LUZP2: variants seen among roughly 807,000 people sequenced by gnomAD.
LUZP2 encodes leucine zipper protein 2.
In LUZP2, 52 loss-of-function variants were observed where a neutral mutation model predicts 51.6. The ratio of observed to expected loss-of-function variants is 1.01; its 90% CI spans 0.81 to 1.27. LUZP2 has a LOEUF of 1.27. LUZP2 is among the 50% of genes most tolerant of loss of function. The probability of loss-of-function intolerance (pLI) is 0.00; values close to 1 mark genes in which losing one functional copy is unlikely to be tolerated. For missense variants in LUZP2, 436 were observed against 395.4 expected, an observed-to-expected ratio of 1.10 and a Z score of -0.87; for synonymous variants, 154 against 137.3, an observed-to-expected ratio of 1.12 and a Z score of -0.85.
intron 1 of LUZP2, among the ~76,000 whole-genome samples, chr11:24,726,696 A>T (rs1000354052): frequency 6.6e-6 from 1 of 152,128 alleles, no homozygotes; most frequent in Non-Finnish European, 1.5e-5. Flanking sequence ...AGTGGTAAAA[A>T]TATATTCAAG....
intron 1 of LUZP2, among the ~76,000 whole-genome samples, chr11:24,512,778 C>T (rs1254240986): frequency 6.8e-6 from 1 of 147,068 alleles, no homozygotes; most frequent in African/African-American, 2.5e-5. Context: ...GAGATGGAGT[C>T]TCACTCTGTT....
At chr11:24,562,234 G>A (rs11028018) in intron 1 of LUZP2, among the ~76,000 whole-genome samples, 6,558 of 152,076 alleles carry the variant, frequency 0.043, 434 homozygotes, top group African/African-American at 0.15. Context: ...AAGAGACATT[G>A]CCCTTATATA....
intron 5 of LUZP2, among the ~76,000 whole-genome samples, chr11:24,901,443 T>A: frequency 6.6e-6 from 1 of 150,854 alleles, no homozygotes; most frequent in African/African-American, 2.4e-5. Context: ...TAGAAAAGAA[T>A]ATACACCAAA....
chr11:24,830,097 A>G (rs762788095), intron 5 of LUZP2, among the ~76,000 whole-genome samples: 5 of 72,844 alleles, frequency 6.9e-5, no homozygotes, highest in Non-Finnish European at 1.2e-4. Flanking sequence ...TTGAAATACA[A>G]ATTTTGTCAG....
chr11:24,944,872 A>G (rs1271216921), intron 7 of LUZP2, among the ~76,000 whole-genome samples: 1 of 152,170 alleles, frequency 6.6e-6, no homozygotes, highest in Admixed American at 6.5e-5. Flanking sequence ...AAGGCTTTAA[A>G]CTGTGCTATT....
intron 1 of LUZP2, among the ~76,000 whole-genome samples, chr11:24,554,652 C>T (rs887368409): frequency 2.7e-5 from 4 of 148,716 alleles, no homozygotes; most frequent in Non-Finnish European, 5.9e-5. Context: ...CCCACTAAAA[C>T]GTATGTGTTT....
chr11:24,699,300 G>A (rs1360320770), intron 1 of LUZP2, among the ~76,000 whole-genome samples: 1 of 151,860 alleles, frequency 6.6e-6, no homozygotes, highest in African/African-American at 2.4e-5. Context: ...GCTTTGATAG[G>A]GGACCTTTTC....
In LUZP2 at chr11:24,566,570, C is replaced by CACATATATATGTATGTGTGTATATATATG. The variant is rs1564994985; in HGVS notation, c.62+69265_62+69266insACATATATATGTATGTGTGTATATATATG. Among the ~76,000 whole-genome samples the CACATATATATGTATGTGTGTATATATATG allele has an allele frequency of 1.2e-3, 166 of 142,194 alleles. 1 individual carries two copies. The highest frequency in any genetic ancestry group is 1.9e-3 in the Non-Finnish European group (123 of 66,424). 93.3% of individuals were successfully genotyped at this position (142,194 alleles called of 152,430 possible). On this transcript the variant is annotated intron_variant, in intron 1 of 11. Transcript: ENST00000336930. ...TATATATATGTATGTGTATATATAT[C>CACATATATATGTATGTGTGTATATATATG]TATACACATATATATGTATGTGTGT...
intron 7 of LUZP2, among the ~76,000 whole-genome samples, chr11:24,941,002 T>C (rs987534371): frequency 1.3e-5 from 2 of 152,206 alleles, no homozygotes; most frequent in African/African-American, 4.8e-5. Context: ...ATAAAGTATT[T>C]TTCCCTCTTT....
chr11:25,014,689 A>G (rs2133963609), intron 9 of LUZP2, among the ~76,000 whole-genome samples: 1 of 152,206 alleles, frequency 6.6e-6, no homozygotes, highest in South Asian at 2.1e-4. Flanking sequence ...ATTTTCTCCC[A>G]TTCTGTAGGT....
intron 1 of LUZP2, among the ~76,000 whole-genome samples, chr11:24,700,724 T>G (rs1342107678): frequency 6.6e-6 from 1 of 152,166 alleles, no homozygotes; most frequent in Non-Finnish European, 1.5e-5. Flanking sequence ...AATGGTTTTA[T>G]GAAAGAATGG....
intron 5 of LUZP2, among the ~76,000 whole-genome samples, chr11:24,774,362 C>CTCTCTCTCTCTATATATA (rs776739280): frequency 1.5e-3 from 111 of 76,298 alleles, no homozygotes; most frequent in South Asian, 5.2e-3. Flanking sequence ...CTCTCTCTCT[C>CTCTCTCTCTCTATATATA]TATATATATA....
At chr11:24,928,690 TA>T (rs1413347791) in intron 7 of LUZP2, among the ~76,000 whole-genome samples, 1 of 151,878 alleles carries the variant, frequency 6.6e-6, no homozygotes, top group Admixed American at 6.6e-5. Context: ...GTGTAGTTTT[TA>T]AAATGTTATG....
intron 1 of LUZP2, among the ~76,000 whole-genome samples, chr11:24,567,177 G>A (rs897392612): frequency 4.0e-5 from 6 of 150,790 alleles, no homozygotes; most frequent in East Asian, 3.9e-4. Context: ...CAATTTTGTC[G>A]TTGAAAGGTA....
chr11:24,959,088 G>GCATA (rs1855306079), intron 7 of LUZP2, among the ~76,000 whole-genome samples: 1 of 151,922 alleles, frequency 6.6e-6, no homozygotes, highest in Non-Finnish European at 1.5e-5. Flanking sequence ...TATTTCTGAG[G>GCATA]GCTCTGTTCT....
intron 5 of LUZP2, among the ~76,000 whole-genome samples, chr11:24,858,412 C>T (rs1851634242): frequency 6.6e-6 from 1 of 152,094 alleles, no homozygotes; most frequent in South Asian, 2.1e-4. Context: ...GTTTCCAAAG[C>T]AACCCAAGTA....
At position 24,740,002 on chromosome 11, in the gene LUZP2, G is replaced by A. The variant is rs535774306; in HGVS notation, c.333+1700G>A. The stretch of plus-strand genomic sequence containing the variant: ...CTTGTCGATCCCTCCTCCCAACACC[G>A]GACCTAGCTTACTGAATGGTCCTAA... On this transcript the variant is annotated intron_variant, in intron 4 of 11. Coordinates refer to ENST00000336930, the MANE Select transcript of LUZP2 (RefSeq NM_001009909.4). Among the ~76,000 whole-genome samples, 10 of 152,078 alleles carry A rather than the reference G, an allele frequency of 6.6e-5. No individual in the cohort carries two copies. The East Asian group carries it at 9.7e-4, about 15-fold the overall frequency.
At chr11:24,992,392 C>G (rs536941100) in intron 9 of LUZP2, among the ~76,000 whole-genome samples, 1 of 152,084 alleles carries the variant, frequency 6.6e-6, no homozygotes, top group Non-Finnish European at 1.5e-5. Context: ...AACCATTTTA[C>G]CATGATTTTC....
intron 4 of LUZP2, among the ~76,000 whole-genome samples, chr11:24,754,441 GAGA>G (rs1859700436): frequency 6.6e-6 from 1 of 152,160 alleles, no homozygotes; most frequent in South Asian, 2.1e-4. Flanking sequence ...GACCCATGAG[GAGA>G]AGTTGAGACA....
Sources: allele counts gnomAD v4.1 joint callset (sites outside exome capture counted in the v4.1 genomes callset), GRCh38; gene constraint gnomAD v4.1.1; transcripts MANE v1.5; gene names NCBI Gene and HGNC (gene_info 2026-07-23, HGNC 2026-07-21).